Variants in CYP19A1 observed in about 807,000 individuals in gnomAD.
The protein encoded by CYP19A1 is cytochrome P450 family 19 subfamily A member 1.
Under a neutral mutation model 44.4 loss-of-function variants are expected in CYP19A1, and 32 were observed. The observed-to-expected ratio is 0.72, with a 90% CI of 0.54 to 0.97. The LOEUF is 0.97. Ranked by LOEUF, CYP19A1 falls within the 50% of genes least tolerant of loss-of-function variation. The pLI is 0.00. For missense variants in CYP19A1, 598 were observed against 637.8 expected (o/e 0.94, Z 0.67); for synonymous variants, 212 against 215.6 (o/e 0.98, Z 0.14).
intron 1 of CYP19A1, among the ~76,000 whole-genome samples, chr15:51,325,597 T>G (rs763082317): frequency 1.4e-4 from 22 of 152,162 alleles, no homozygotes; most frequent in Non-Finnish European, 2.6e-4. Context: ...CCCAGCACTT[T>G]GGGAGGCCGA....
At chr15:51,315,057 A>G (rs1278271150) in intron 1 of CYP19A1, among the ~76,000 whole-genome samples, 2 of 152,040 alleles carry the variant, frequency 1.3e-5, no homozygotes, top group African/African-American at 4.8e-5. Flanking sequence ...CCGAGGCCAG[A>G]GGACTCTAAC....
At chr15:51,214,265 A>G (rs1305905302) in intron 8 of CYP19A1, among the ~76,000 whole-genome samples, 1 of 152,236 alleles carries the variant, frequency 6.6e-6, no homozygotes, top group Non-Finnish European at 1.5e-5. Context: ...GCTTTCTCCC[A>G]GAAAGCAAGT....
At chr15:51,310,255 T>C (rs1446075708) in intron 1 of CYP19A1, among the ~76,000 whole-genome samples, 1 of 152,096 alleles carries the variant, frequency 6.6e-6, no homozygotes, top group Non-Finnish European at 1.5e-5. Flanking sequence ...CTCTGAAAAG[T>C]CCTCTAAAAG....
At chr15:51,253,611 T>C (rs1057242639) in intron 1 of CYP19A1, among the ~76,000 whole-genome samples, 1 of 152,136 alleles carries the variant, frequency 6.6e-6, no homozygotes, top group African/African-American at 2.4e-5. Context: ...CCACCTACTA[T>C]CCTCTGCCCA....
intron 1 of CYP19A1, among the ~76,000 whole-genome samples, chr15:51,310,425 C>T (rs904477500): frequency 2.0e-5 from 3 of 152,180 alleles, no homozygotes; most frequent in Non-Finnish European, 4.4e-5. Context: ...AATGGCCCAT[C>T]TTTCTGGATA....
rs150677368 is a variant in CYP19A1, at chr15:51,290,978, T to G, written c.-39+47517A>C. 8.4e-3 allele frequency among the ~76,000 whole-genome samples: 1,282 copies of G among 152,274 alleles called. 14 individuals are homozygous for G. Among genetic ancestry groups the G allele is most frequent in the African/African-American group, 0.029 (1,198 of 41,548 alleles). ...GAGCATCATTATGGCCCTAAAGCAT[T>G]GCCCCAACCTCCAGATTGGAGGCTT... On this transcript the variant is annotated intron_variant, in intron 1 of 9. Transcript: ENST00000396402.
chr15:51,231,116 G>C (rs2032995866), intron 3 of CYP19A1, among the ~76,000 whole-genome samples: 1 of 152,162 alleles, frequency 6.6e-6, no homozygotes, highest in African/African-American at 2.4e-5. Context: ...TAACATCAGT[G>C]CTAGTGGGAC....
At chr15:51,264,723 G>C (rs1018449852) in intron 1 of CYP19A1, among the ~76,000 whole-genome samples, 1 of 152,096 alleles carries the variant, frequency 6.6e-6, no homozygotes, top group African/African-American at 2.4e-5. Context: ...ACTGGGGTGG[G>C]GTGCAGGCAG....
At chr15:51,313,894 C>G (rs562993950) in intron 1 of CYP19A1, 1 of 152,252 alleles carries the variant, frequency 6.6e-6, no homozygotes, top group Admixed American at 6.5e-5. Context: ...ACTGACTGTG[C>G]TTTCCTACCT....
intron 2 of CYP19A1, 142 bp from the exon 3 acceptor site, chr15:51,237,151 T>TGAAAC: frequency 1.0e-6 from 1 of 965,998 alleles, no homozygotes; most frequent in Non-Finnish European, 1.5e-6. Flanking sequence ...TAAAGTGATT[T>TGAAAC]GAAACAAAAC....
At chr15:51,294,646 C>A (rs2035942812) in intron 1 of CYP19A1, among the ~76,000 whole-genome samples, 7 of 134,990 alleles carry the variant, frequency 5.2e-5, no homozygotes, top group Admixed American at 4.9e-4. Flanking sequence ...GGTCAGCCCC[C>A]CGCCCGGCCA....
chr15:51,300,119 G>A (rs1361838946), intron 1 of CYP19A1, among the ~76,000 whole-genome samples: 2 of 152,170 alleles, frequency 1.3e-5, no homozygotes, highest in African/African-American at 2.4e-5. Context: ...TCAGAGTCCT[G>A]AGCCACCAGG....
intron 2 of CYP19A1, among the ~76,000 whole-genome samples, chr15:51,240,773 T>G (rs1411491379): frequency 6.6e-6 from 1 of 152,224 alleles, no homozygotes; most frequent in Non-Finnish European, 1.5e-5. Context: ...GTGGTCCCCC[T>G]ACATTCCCAC....
chr15:51,306,018 T>A (rs1266145964), intron 1 of CYP19A1, among the ~76,000 whole-genome samples: 1 of 151,894 alleles, frequency 6.6e-6, no homozygotes, highest in Non-Finnish European at 1.5e-5. Flanking sequence ...CTGGCTGGAG[T>A]CATTCTGTCA....
chr15:51,316,727 AAG>A (rs1405791219), intron 1 of CYP19A1, among the ~76,000 whole-genome samples: 1 of 151,962 alleles, frequency 6.6e-6, no homozygotes, highest in Non-Finnish European at 1.5e-5. Flanking sequence ...AAAAAAAAAA[AAG>A]GAAGAAAGAA....
intron 2 of CYP19A1, among the ~76,000 whole-genome samples, chr15:51,240,535 C>T (rs1257312544): frequency 6.6e-6 from 1 of 152,148 alleles, no homozygotes; most frequent in African/African-American, 2.4e-5. Flanking sequence ...ACCTAGAGAG[C>T]CACTGATTAA....
chr15:51,277,810 C>T (rs2035366863), intron 1 of CYP19A1, among the ~76,000 whole-genome samples: 1 of 151,842 alleles, frequency 6.6e-6, no homozygotes. Context: ...TTTCTGATCA[C>T]AAATATCACG....
intron 1 of CYP19A1, among the ~76,000 whole-genome samples, chr15:51,280,618 A>G (rs534682701): frequency 2.6e-5 from 4 of 152,214 alleles, no homozygotes; most frequent in East Asian, 3.9e-4. Context: ...TCTCATCTAC[A>G]TGGGTGGAGG....
chr15:51,303,806 C>T (rs2141004281), intron 1 of CYP19A1, among the ~76,000 whole-genome samples: 1 of 152,332 alleles, frequency 6.6e-6, no homozygotes, highest in East Asian at 1.9e-4. Flanking sequence ...AACCAATTCA[C>T]CTTTGGCTGC....
Sources: gnomAD v4.1 joint callset for allele counts (sites outside exome capture counted in the v4.1 genomes callset) on GRCh38, gnomAD v4.1.1 for gene constraint, MANE v1.5 for transcripts, NCBI Gene and HGNC (gene_info 2026-07-23, HGNC 2026-07-21) for gene names.